Variants in MECOM observed in about 807,000 individuals in gnomAD.
The protein encoded by MECOM is histone-lysine N-methyltransferase MECOM.
MECOM carries 13 observed loss-of-function variants against 116.3 expected under a neutral mutation model. The ratio of observed to expected loss-of-function variants is 0.11; its 90% CI spans 0.07 to 0.18. The LOEUF (loss-of-function observed/expected upper bound fraction) is 0.18. Ranked by LOEUF, MECOM falls within the 10% of genes least tolerant of loss-of-function variation. The pLI, the probability that MECOM is intolerant of heterozygous loss-of-function variation, is 1.00. For synonymous variants in MECOM, 528 were observed against 535.2 expected (o/e 0.99, Z 0.19); for missense variants, 1,299 against 1,509.0 (o/e 0.86, Z 2.31).
chr3:169,310,729 C>G (rs2149729882), intron 2 of MECOM, among the ~76,000 whole-genome samples: 1 of 152,298 alleles, frequency 6.6e-6, no homozygotes, highest in South Asian at 2.1e-4. Context: ...GATGTGCACA[C>G]CACACACACA....
intron 1 of MECOM, among the ~76,000 whole-genome samples, chr3:169,577,462 C>T (rs1038743430): frequency 3.2e-5 from 4 of 126,800 alleles, no homozygotes; most frequent in African/African-American, 9.1e-5. Flanking sequence ...GCTAAAACCC[C>T]GAAAAGTTGC....
chr3:169,558,961 A>G (rs1762335745), intron 1 of MECOM, among the ~76,000 whole-genome samples: 1 of 152,096 alleles, frequency 6.6e-6, no homozygotes, highest in Non-Finnish European at 1.5e-5. Flanking sequence ...ATCATTTTTC[A>G]TGCTAATGTA....
chr3:169,224,074 G>C (rs1358051446), intron 2 of MECOM, among the ~76,000 whole-genome samples: 1 of 152,106 alleles, frequency 6.6e-6, no homozygotes, highest in Non-Finnish European at 1.5e-5. Context: ...CCCCACTGAC[G>C]GGGGTGCCTT....
chr3:169,441,514 G>T (rs1223909238), intron 1 of MECOM, among the ~76,000 whole-genome samples: 1 of 151,960 alleles, frequency 6.6e-6, no homozygotes, highest in East Asian at 1.9e-4. Flanking sequence ...ATAGGAGACA[G>T]AAAAATGTTC....
intron 2 of MECOM, among the ~76,000 whole-genome samples, chr3:169,144,646 A>G (rs963466752): frequency 2.6e-5 from 4 of 152,192 alleles, no homozygotes; most frequent in Non-Finnish European, 4.4e-5. Context: ...TGAAGAGGGA[A>G]ACTTCCATTT....
chr3:169,353,551 A>G (rs1424287897), intron 2 of MECOM, among the ~76,000 whole-genome samples: 1 of 151,860 alleles, frequency 6.6e-6, no homozygotes, highest in Non-Finnish European at 1.5e-5. Context: ...ACCCTAAATA[A>G]GTAATGTAAA....
chr3:169,661,585 A>T (rs895401550), intron 1 of MECOM, among the ~76,000 whole-genome samples: 3 of 152,080 alleles, frequency 2.0e-5, no homozygotes, highest in Non-Finnish European at 4.4e-5. Flanking sequence ...TGTATCGGGG[A>T]GTGTACGAGT....
At chr3:169,584,959 C>T (rs774312738) in intron 1 of MECOM, among the ~76,000 whole-genome samples, 13 of 152,106 alleles carry the variant, frequency 8.5e-5, no homozygotes, top group Non-Finnish European at 1.5e-4. Flanking sequence ...GAATCAAGTG[C>T]GAAAGGATCT....
chr3:169,547,661 T>A (rs1359795016), intron 1 of MECOM, among the ~76,000 whole-genome samples: 4 of 152,192 alleles, frequency 2.6e-5, no homozygotes, highest in Non-Finnish European at 5.9e-5. Flanking sequence ...GAATATACCA[T>A]ATTTGGAAAT....
intron 2 of MECOM, among the ~76,000 whole-genome samples, chr3:169,361,328 C>A (rs551400820): frequency 6.6e-6 from 1 of 151,938 alleles, no homozygotes; most frequent in Admixed American, 6.6e-5. Flanking sequence ...GTGAAGGCCA[C>A]TTCCCAGTGG....
chr3:169,147,258 G>A (rs1186399761), intron 2 of MECOM: 17 of 985,570 alleles, frequency 1.7e-5, no homozygotes, highest in Non-Finnish European at 2.0e-5. Flanking sequence ...GGGGGGCCTG[G>A]GGAGGCGAGG....
At chr3:169,327,130 C>G (rs1308797286) in intron 2 of MECOM, among the ~76,000 whole-genome samples, 1 of 152,154 alleles carries the variant, frequency 6.6e-6, no homozygotes, top group Non-Finnish European at 1.5e-5. Flanking sequence ...CAAATAGCCA[C>G]ATATGCAAAA....
Position 169,127,935 on chromosome 3 carries a change from G to T in MECOM, c.739C>A (p.Gln247Lys), listed in dbSNP as rs1240852654. Residue 247 changes from glutamine to lysine, a missense_variant, in exon 5 of 17, where the codon CAG becomes AAG. Physicochemically the swap from Gln to Lys is moderately conservative, Grantham distance 53. This residue lies in a region of MECOM where 374 missense variants were observed against 433.4 expected (regional missense o/e 0.86). Transcript: ENST00000651503. ...TCATTCTCGCTTTCGAGTTTTTGCTGAAAGTCCTCTTCAACCATTGAAAAT... is the reference window on the plus strand; with the variant it reads ...TCATTCTCGCTTTCGAGTTTTTGCTTAAAGTCCTCTTCAACCATTGAAAAT... ...SAFSMVEEDF[Q>K]QKLESENDLQ... The T allele has an allele frequency of 6.2e-7, 1 of 1,614,082 alleles. No individual in the cohort carries two copies. Among genetic ancestry groups the T allele is most frequent in the East Asian group, 2.2e-5 (1 of 44,880 alleles).
intron 2 of MECOM, among the ~76,000 whole-genome samples, chr3:169,160,068 A>G (rs549962410): frequency 6.6e-6 from 1 of 152,212 alleles, no homozygotes; most frequent in South Asian, 2.1e-4. Context: ...GGATTTTTAT[A>G]TAGCCATCTT....
At chr3:169,502,820 T>A (rs1470873406) in intron 1 of MECOM, among the ~76,000 whole-genome samples, 1 of 152,154 alleles carries the variant, frequency 6.6e-6, no homozygotes, top group Non-Finnish European at 1.5e-5. Flanking sequence ...TGCCACTCAT[T>A]TCCATCAGCA....
At chr3:169,627,525 A>C (rs991013668) in intron 1 of MECOM, among the ~76,000 whole-genome samples, 1 of 152,256 alleles carries the variant, frequency 6.6e-6, no homozygotes, top group African/African-American at 2.4e-5. Flanking sequence ...ATCAGAGATG[A>C]ACATGTTACT....
intron 1 of MECOM, among the ~76,000 whole-genome samples, chr3:169,577,524 C>T (rs537507449): frequency 2.0e-5 from 3 of 149,402 alleles, no homozygotes; most frequent in East Asian, 3.9e-4. Context: ...GTTGGCTTTT[C>T]TATGGTCGCC....
intron 16 of MECOM, among the ~76,000 whole-genome samples, chr3:169,087,544 C>T (rs1308222175): frequency 6.6e-6 from 1 of 152,066 alleles, no homozygotes; most frequent in Non-Finnish European, 1.5e-5. Flanking sequence ...CTATAGTGAG[C>T]CGTGATTGCA....
At chr3:169,498,303 A>C (rs1754085300) in intron 1 of MECOM, among the ~76,000 whole-genome samples, 1 of 152,218 alleles carries the variant, frequency 6.6e-6, no homozygotes. Flanking sequence ...CCAAAATGGC[A>C]GTGTAAGTAC....
Sources: gnomAD v4.1 joint callset for allele counts (sites outside exome capture counted in the v4.1 genomes callset) on GRCh38, gnomAD v4.1.1 for gene constraint, gnomAD v4.1.1 regional missense constraint, MANE v1.5 for transcripts, NCBI Gene and HGNC (gene_info 2026-07-23, HGNC 2026-07-21) for gene names.